The following ARHGAP26 variants were observed in gnomAD, a reference collection of about 807,000 sequenced individuals.
ARHGAP26 encodes Rho GTPase activating protein 26, also known as rho GTPase-activating protein 26.
A neutral mutation model predicts 104.8 loss-of-function variants in ARHGAP26; 38 were observed. The ratio of observed to expected loss-of-function variants is 0.36; its 90% CI spans 0.28 to 0.48. The LOEUF is 0.48. ARHGAP26 is among the 20% of genes least tolerant of loss of function. The pLI is 0.99. For synonymous variants in ARHGAP26, 341 were observed against 340.0 expected, an observed-to-expected ratio of 1.00 and a Z score of -0.03; for missense variants, 704 against 947.9, an observed-to-expected ratio of 0.74 and a Z score of 3.38.
chr5:142,878,630 T>A (rs1172012651), intron 3 of ARHGAP26, among the ~76,000 whole-genome samples: 1 of 152,134 alleles, frequency 6.6e-6, no homozygotes, highest in African/African-American at 2.4e-5. Flanking sequence ...ATGTTGGTAG[T>A]CAGGGAAGGC....
chr5:142,890,369 T>A (rs367634682), intron 5 of ARHGAP26, among the ~76,000 whole-genome samples: 5 of 150,676 alleles, frequency 3.3e-5, no homozygotes, highest in African/African-American at 1.2e-4. Context: ...TTTGGAGTGT[T>A]AGAGGACAGG....
intron 20 of ARHGAP26, among the ~76,000 whole-genome samples, chr5:143,176,813 C>T (rs529586289): frequency 6.6e-6 from 1 of 152,268 alleles, no homozygotes; most frequent in African/African-American, 2.4e-5. Flanking sequence ...AAAAGAGACT[C>T]GGGTGTCTGA....
intron 5 of ARHGAP26, among the ~76,000 whole-genome samples, chr5:142,892,695 T>C (rs962576542): frequency 6.7e-6 from 1 of 149,856 alleles, no homozygotes; most frequent in East Asian, 1.9e-4. Flanking sequence ...TTTTTATTGA[T>C]ATGTAATAAT....
intron 20 of ARHGAP26, among the ~76,000 whole-genome samples, chr5:143,197,256 G>C (rs1412695825): frequency 2.0e-5 from 3 of 152,116 alleles, no homozygotes; most frequent in African/African-American, 7.2e-5. Flanking sequence ...CTGGGTCCAA[G>C]GGAATGGTAT....
intron 1 of ARHGAP26, among the ~76,000 whole-genome samples, chr5:142,864,780 T>C (rs1375719353): frequency 2.0e-5 from 3 of 152,220 alleles, no homozygotes; most frequent in Non-Finnish European, 2.9e-5. Context: ...AACAGCCCTG[T>C]GAGGTACATA....
intron 17 of ARHGAP26, among the ~76,000 whole-genome samples, chr5:143,067,848 G>A (rs1411161853): frequency 1.3e-5 from 2 of 152,168 alleles, no homozygotes; most frequent in East Asian, 3.9e-4. Context: ...AGCAACAGAT[G>A]TCAACTGTGG....
At chr5:143,176,709 G>A (rs1803522952) in intron 20 of ARHGAP26, among the ~76,000 whole-genome samples, 1 of 152,126 alleles carries the variant, frequency 6.6e-6, no homozygotes, top group Admixed American at 6.5e-5. Context: ...TTAGTTAAGG[G>A]CTTAACGTAA....
At chr5:143,014,908 C>A (rs1346269694) in intron 12 of ARHGAP26, among the ~76,000 whole-genome samples, 4 of 152,108 alleles carry the variant, frequency 2.6e-5, no homozygotes, top group Non-Finnish European at 5.9e-5. Flanking sequence ...TAAAGGTTGC[C>A]CTACTGTGAA....
chr5:143,153,236 T>A (rs1434063121), intron 20 of ARHGAP26, among the ~76,000 whole-genome samples: 1 of 152,136 alleles, frequency 6.6e-6, no homozygotes, highest in Non-Finnish European at 1.5e-5. Context: ...GAAAGGTGGC[T>A]CAAATATTGG....
At chr5:142,831,794 G>C (rs1011606844) in intron 1 of ARHGAP26, among the ~76,000 whole-genome samples, 2 of 151,958 alleles carry the variant, frequency 1.3e-5, no homozygotes, top group African/African-American at 4.8e-5. Context: ...TTATCCAGTG[G>C]GTAGCAATTT....
intron 20 of ARHGAP26, among the ~76,000 whole-genome samples, chr5:143,194,422 G>T (rs1312223942): frequency 6.6e-6 from 1 of 152,184 alleles, no homozygotes; most frequent in Non-Finnish European, 1.5e-5. Context: ...TTTAAGCAGA[G>T]AAATGATGTA....
chr5:142,807,109 G>T (rs1308733465), intron 1 of ARHGAP26, among the ~76,000 whole-genome samples: 1 of 152,200 alleles, frequency 6.6e-6, no homozygotes, highest in Non-Finnish European at 1.5e-5. Context: ...CCGTGATAAT[G>T]GTTGAAATTA....
chr5:142,959,016 A>G (rs1769752184), intron 11 of ARHGAP26, among the ~76,000 whole-genome samples: 1 of 152,180 alleles, frequency 6.6e-6, no homozygotes, highest in African/African-American at 2.4e-5. Flanking sequence ...CTTAGAGACT[A>G]TCAGAGCTTG....
intron 15 of ARHGAP26, 67 bp from the exon 16 acceptor site, chr5:143,055,961 C>T (rs1355222048): frequency 9.9e-6 from 11 of 1,108,976 alleles, no homozygotes; most frequent in African/African-American, 1.6e-5. Context: ...AGTCTCTAGG[C>T]TGCTATTTAG....
intron 17 of ARHGAP26, among the ~76,000 whole-genome samples, chr5:143,058,454 C>A (rs894511377): frequency 7.2e-5 from 11 of 152,248 alleles, no homozygotes; most frequent in Non-Finnish European, 5.9e-5. Flanking sequence ...GACCCTTTCA[C>A]AAATGGCATT....
At chr5:143,092,851 C>T (rs1025643590) in intron 17 of ARHGAP26, among the ~76,000 whole-genome samples, 1 of 152,024 alleles carries the variant, frequency 6.6e-6, no homozygotes, top group African/African-American at 2.4e-5. Flanking sequence ...CACGTCTGAG[C>T]AGACCAATTA....
chr5:142,774,852 T>G (rs2151809154), intron 1 of ARHGAP26, among the ~76,000 whole-genome samples: 1 of 152,298 alleles, frequency 6.6e-6, no homozygotes, highest in South Asian at 2.1e-4. Context: ...CTTTGCAGAT[T>G]GGCTTTTTTT....
chr5:143,185,068 G>A (rs527305070), intron 20 of ARHGAP26, among the ~76,000 whole-genome samples: 1 of 152,202 alleles, frequency 6.6e-6, no homozygotes, highest in East Asian at 1.9e-4. Context: ...TGATGGTTGG[G>A]TAGTTTTCAC....
At chr5:143,187,398 G>A (rs1267708279) in intron 20 of ARHGAP26, among the ~76,000 whole-genome samples, 1 of 152,244 alleles carries the variant, frequency 6.6e-6, no homozygotes, top group African/African-American at 2.4e-5. Context: ...TATTTAATGT[G>A]TATTTATGAG....
Sources: gnomAD v4.1 joint callset for allele counts (sites outside exome capture counted in the v4.1 genomes callset) on GRCh38, gnomAD v4.1.1 for gene constraint, MANE v1.5 for transcripts, NCBI Gene and HGNC (gene_info 2026-07-23, HGNC 2026-07-21) for gene names.